Variants in KCNB2 observed in about 807,000 individuals in gnomAD.
KCNB2 encodes the protein delayed rectifier potassium channel protein.
KCNB2 carries 15 observed loss-of-function variants against 61.5 expected under a neutral mutation model. That is an observed-to-expected ratio of 0.24 (90% CI 0.16 to 0.38). The LOEUF (loss-of-function observed/expected upper bound fraction) is 0.38, where lower values mean the gene tolerates loss of function less well. Ranked by LOEUF, KCNB2 falls within the 10% of genes least tolerant of loss-of-function variation. The probability of loss-of-function intolerance (pLI) is 1.00; values close to 1 mark genes in which losing one functional copy is unlikely to be tolerated. For synonymous variants in KCNB2, 457 were observed against 446.0 expected (o/e 1.02, Z -0.31); for missense variants, 828 against 1,125.2 (o/e 0.74, Z 3.78).
At chr8:72,645,290 T>C (rs953458735) in intron 2 of KCNB2, among the ~76,000 whole-genome samples, 1 of 152,170 alleles carries the variant, frequency 6.6e-6, no homozygotes, top group Non-Finnish European at 1.5e-5. Flanking sequence ...TCTGTACCGC[T>C]TGTCATTTTA....
intron 2 of KCNB2, among the ~76,000 whole-genome samples, chr8:72,570,896 G>A (rs959976064): frequency 2.0e-5 from 3 of 152,086 alleles, no homozygotes; most frequent in African/African-American, 7.2e-5. Context: ...TGCTGTATGT[G>A]TGCCACACAC....
intron 2 of KCNB2, among the ~76,000 whole-genome samples, chr8:72,689,894 A>G (rs1457895198): frequency 6.6e-6 from 1 of 152,160 alleles, no homozygotes; most frequent in Non-Finnish European, 1.5e-5. Flanking sequence ...TTGCATTGCT[A>G]CTTATGAAAT....
intron 2 of KCNB2, among the ~76,000 whole-genome samples, chr8:72,835,238 A>G (rs1194547861): frequency 6.6e-6 from 1 of 152,210 alleles, no homozygotes; most frequent in Non-Finnish European, 1.5e-5. Context: ...TTTTAATTTC[A>G]TCTACAAATA....
At chr8:72,869,315 A>T (rs1015063686) in intron 2 of KCNB2, among the ~76,000 whole-genome samples, 8 of 152,194 alleles carry the variant, frequency 5.3e-5, no homozygotes, top group African/African-American at 1.9e-4. Flanking sequence ...GTTTAGATAC[A>T]TTAGGAAGGG....
intron 2 of KCNB2, among the ~76,000 whole-genome samples, chr8:72,696,292 G>A (rs1055433610): frequency 1.3e-5 from 2 of 152,160 alleles, no homozygotes. Context: ...GGCATAAGGA[G>A]GATGCATGTG....
chr8:72,689,578 A>G (rs1283722294), intron 2 of KCNB2, among the ~76,000 whole-genome samples: 1 of 152,184 alleles, frequency 6.6e-6, no homozygotes, highest in Non-Finnish European at 1.5e-5. Flanking sequence ...TCCCAGCCCC[A>G]GGAAGCTGCT....
At chr8:72,886,094 A>G (rs1486979549) in intron 2 of KCNB2, among the ~76,000 whole-genome samples, 1 of 152,202 alleles carries the variant, frequency 6.6e-6, no homozygotes, top group Admixed American at 6.5e-5. Context: ...GTTCAACTTT[A>G]TATATTTAAA....
chr8:72,617,769 GT>G (rs1455459854), intron 2 of KCNB2, among the ~76,000 whole-genome samples: 1 of 152,094 alleles, frequency 6.6e-6, no homozygotes, highest in Non-Finnish European at 1.5e-5. Context: ...CCATCTAGTG[GT>G]TTTCCCAGAT....
At chr8:72,803,989 T>C (rs933059433) in intron 2 of KCNB2, among the ~76,000 whole-genome samples, 1 of 152,016 alleles carries the variant, frequency 6.6e-6, no homozygotes, top group Non-Finnish European at 1.5e-5. Context: ...GAAAAGAAAG[T>C]GGTTCAGCAT....
At chr8:72,584,518 G>A (rs1542710) in intron 2 of KCNB2, among the ~76,000 whole-genome samples, 8 of 151,928 alleles carry the variant, frequency 5.3e-5, no homozygotes, top group African/African-American at 1.9e-4. Flanking sequence ...TACTACTTCC[G>A]TAACTATAAA....
At chr8:72,768,376 T>G (rs1034120582) in intron 2 of KCNB2, among the ~76,000 whole-genome samples, 1 of 152,156 alleles carries the variant, frequency 6.6e-6, no homozygotes, top group African/African-American at 2.4e-5. Flanking sequence ...TGTTTTGCCA[T>G]GTTGCCCAGG....
intron 2 of KCNB2, among the ~76,000 whole-genome samples, chr8:72,716,455 T>G (rs2128992320): frequency 6.6e-6 from 1 of 152,308 alleles, no homozygotes; most frequent in African/African-American, 2.4e-5. Flanking sequence ...ATCAAAAAGC[T>G]TATCCACCAT....
chr8:72,867,160 C>G (rs1487168384), intron 2 of KCNB2, among the ~76,000 whole-genome samples: 3 of 152,154 alleles, frequency 2.0e-5, no homozygotes. Flanking sequence ...CCCTTTATAA[C>G]CTTCTTAATT....
At chr8:72,700,255 A>G (rs144178465) in intron 2 of KCNB2, among the ~76,000 whole-genome samples, 2,118 of 152,236 alleles carry the variant, frequency 0.014, 41 homozygotes, top group African/African-American at 0.049. Context: ...TGCAGGTCTT[A>G]AAACCCAGAT....
chr8:72,708,943 T>C (rs1264511146), intron 2 of KCNB2, among the ~76,000 whole-genome samples: 1 of 152,170 alleles, frequency 6.6e-6, no homozygotes, highest in African/African-American at 2.4e-5. Context: ...TCTCCCAGGA[T>C]CCCCTTTCTA....
chr8:72,580,833 C>G (rs1806880238), intron 2 of KCNB2, among the ~76,000 whole-genome samples: 1 of 152,132 alleles, frequency 6.6e-6, no homozygotes, highest in Non-Finnish European at 1.5e-5. Flanking sequence ...TCATTTCATT[C>G]CTGGCCTCCC....
chr8:72,596,676 A>G (rs1447821575), intron 2 of KCNB2, among the ~76,000 whole-genome samples: 1 of 152,192 alleles, frequency 6.6e-6, no homozygotes. Context: ...TAATTTGTCT[A>G]GTGTTCTATA....
chr8:72,906,465 T>G (rs1168130013), intron 2 of KCNB2, among the ~76,000 whole-genome samples: 1 of 152,242 alleles, frequency 6.6e-6, no homozygotes, highest in Non-Finnish European at 1.5e-5. Context: ...CCATTTCTTT[T>G]ACAACCAAAG....
intron 2 of KCNB2, among the ~76,000 whole-genome samples, chr8:72,632,170 C>A (rs115911929): frequency 5.9e-5 from 9 of 151,812 alleles, no homozygotes; most frequent in African/African-American, 2.2e-4. Flanking sequence ...CACATGAGCC[C>A]AAGAGGTTGA....
Sources: allele counts gnomAD v4.1 joint callset (sites outside exome capture counted in the v4.1 genomes callset), GRCh38; gene constraint gnomAD v4.1.1; transcripts MANE v1.5; gene names NCBI Gene and HGNC (gene_info 2026-07-23, HGNC 2026-07-21).